The following RETREG1 variants were observed in gnomAD, a reference collection of about 807,000 sequenced individuals.
RETREG1 encodes reticulophagy regulator 1.
A neutral mutation model predicts 54.8 loss-of-function variants in RETREG1; 44 were observed. The ratio of observed to expected loss-of-function variants is 0.80; its 90% CI spans 0.63 to 1.03. The LOEUF (loss-of-function observed/expected upper bound fraction) is 1.03, where lower values mean the gene tolerates loss of function less well. Ranked by LOEUF, RETREG1 falls within the 50% of genes least tolerant of loss-of-function variation. The pLI is 0.00. For missense variants in RETREG1, 554 were observed against 605.1 expected, an observed-to-expected ratio of 0.92 and a Z score of 0.89; for synonymous variants, 217 against 238.5, an observed-to-expected ratio of 0.91 and a Z score of 0.83.
At chr5:16,475,630 A>T (rs1375040875) in intron 8 of RETREG1, among the ~76,000 whole-genome samples, 4 of 152,206 alleles carry the variant, frequency 2.6e-5, no homozygotes, top group African/African-American at 9.6e-5. Flanking sequence ...CATGAAATTT[A>T]AAATACTATA....
chr5:16,592,865 G>A (rs897669979), intron 1 of RETREG1, among the ~76,000 whole-genome samples: 3 of 152,086 alleles, frequency 2.0e-5, no homozygotes, highest in African/African-American at 4.8e-5. Context: ...GACACAAAGA[G>A]GGGAACAACA....
chr5:16,590,672 C>A (rs567901039), intron 1 of RETREG1, among the ~76,000 whole-genome samples: 38 of 152,202 alleles, frequency 2.5e-4, no homozygotes, highest in African/African-American at 9.1e-4. Flanking sequence ...GATGGCATTA[C>A]CCAATTTTTA....
At chr5:16,595,269 C>CT (rs533722109) in intron 1 of RETREG1, among the ~76,000 whole-genome samples, 1 of 151,918 alleles carries the variant, frequency 6.6e-6, no homozygotes, top group Non-Finnish European at 1.5e-5. Flanking sequence ...CCAGAAAGAT[C>CT]TTTTTTTTAA....
chr5:16,599,944 C>T (rs1021813129), intron 1 of RETREG1, among the ~76,000 whole-genome samples: 2 of 152,104 alleles, frequency 1.3e-5, no homozygotes, highest in African/African-American at 4.8e-5. Flanking sequence ...GGGTAAGGCC[C>T]CCAAAAGCAC....
intron 3 of RETREG1, among the ~76,000 whole-genome samples, chr5:16,505,450 C>T (rs760427887): frequency 1.3e-5 from 2 of 152,118 alleles, no homozygotes; most frequent in African/African-American, 4.8e-5. Flanking sequence ...CTGTGTGCTC[C>T]GTGACAGCAG....
intron 1 of RETREG1, among the ~76,000 whole-genome samples, chr5:16,605,862 C>G (rs1743174124): frequency 6.6e-6 from 1 of 152,104 alleles, no homozygotes; most frequent in Non-Finnish European, 1.5e-5. Flanking sequence ...TGAGGACTCC[C>G]CCTTCATGAC....
intron 3 of RETREG1, among the ~76,000 whole-genome samples, chr5:16,535,651 ACGCTGCCTT>A (rs1387667736): frequency 7.1e-6 from 1 of 141,512 alleles, no homozygotes; most frequent in African/African-American, 2.8e-5. Flanking sequence ...TCCTGTGTGC[ACGCTGCCTT>A]CACAAAGTGG....
chr5:16,566,492 A>G (rs900052173), intron 2 of RETREG1, among the ~76,000 whole-genome samples: 1 of 152,214 alleles, frequency 6.6e-6, no homozygotes, highest in Non-Finnish European at 1.5e-5. Flanking sequence ...GCTTTAATGC[A>G]GCTCAATGTA....
At chr5:16,602,205 C>G (rs1743071772) in intron 1 of RETREG1, among the ~76,000 whole-genome samples, 1 of 152,102 alleles carries the variant, frequency 6.6e-6, no homozygotes, top group Admixed American at 6.5e-5. Flanking sequence ...TGAAGAAAAC[C>G]TTACACTCTC....
At chr5:16,554,254 G>C (rs1040343273) in intron 3 of RETREG1, among the ~76,000 whole-genome samples, 1 of 152,206 alleles carries the variant, frequency 6.6e-6, no homozygotes, top group Admixed American at 6.5e-5. Flanking sequence ...TGACATTTCC[G>C]AGGCTGGAAC....
At chr5:16,601,924 C>A (rs898900115) in intron 1 of RETREG1, among the ~76,000 whole-genome samples, 7 of 152,280 alleles carry the variant, frequency 4.6e-5, no homozygotes, top group South Asian at 2.1e-4. Context: ...AGCTCAAGTG[C>A]AACACTGGAA....
At chr5:16,599,103 G>A (rs1276298560) in intron 1 of RETREG1, among the ~76,000 whole-genome samples, 1 of 152,202 alleles carries the variant, frequency 6.6e-6, no homozygotes, top group Non-Finnish European at 1.5e-5. Context: ...AGCTACTCAG[G>A]AGGCTGATGG....
At chr5:16,484,981 C>T (rs1055931007) in intron 3 of RETREG1, among the ~76,000 whole-genome samples, 1 of 152,078 alleles carries the variant, frequency 6.6e-6, no homozygotes, top group African/African-American at 2.4e-5. Flanking sequence ...GGTTTGCATA[C>T]CCCATGATTC....
At chr5:16,485,688 T>C (rs967865024) in intron 3 of RETREG1, among the ~76,000 whole-genome samples, 2 of 152,202 alleles carry the variant, frequency 1.3e-5, no homozygotes, top group African/African-American at 4.8e-5. Flanking sequence ...TTCATATAAC[T>C]TAAAGTGTTT....
chr5:16,518,776 A>G (rs1740439784), intron 3 of RETREG1, among the ~76,000 whole-genome samples: 1 of 152,296 alleles, frequency 6.6e-6, no homozygotes, highest in African/African-American at 2.4e-5. Context: ...CGTAAAAGAC[A>G]TGTGTTGGCT....
At chr5:16,511,824 T>C (rs918334330) in intron 3 of RETREG1, among the ~76,000 whole-genome samples, 1 of 152,046 alleles carries the variant, frequency 6.6e-6, no homozygotes, top group African/African-American at 2.4e-5. Context: ...GCACATCGCA[T>C]GGCCAGAGCT....
chr5:16,533,119 A>G (rs896591383), intron 3 of RETREG1, among the ~76,000 whole-genome samples: 1 of 151,674 alleles, frequency 6.6e-6, no homozygotes, highest in African/African-American at 2.4e-5. Context: ...ACCTAGGCTC[A>G]CTGCAAGCTC....
chr5:16,580,951 G>A (rs1051408672), intron 1 of RETREG1, among the ~76,000 whole-genome samples: 9 of 152,168 alleles, frequency 5.9e-5, no homozygotes, highest in Non-Finnish European at 8.8e-5. Flanking sequence ...TGAGAGGCCC[G>A]TGCCTAGTCA....
intron 1 of RETREG1, among the ~76,000 whole-genome samples, chr5:16,612,417 T>C (rs1743371450): frequency 6.6e-6 from 1 of 152,252 alleles, no homozygotes; most frequent in Non-Finnish European, 1.5e-5. Flanking sequence ...GGGTTGCTTC[T>C]GAGAGGAAAC....
Sources: gnomAD v4.1 joint callset for allele counts (sites outside exome capture counted in the v4.1 genomes callset) on GRCh38, gnomAD v4.1.1 for gene constraint, MANE v1.5 for transcripts, NCBI Gene and HGNC (gene_info 2026-07-23, HGNC 2026-07-21) for gene names.